STMN2: variants seen among roughly 807,000 people sequenced by gnomAD.
STMN2 encodes the protein stathmin-2.
Under a neutral mutation model 24.1 loss-of-function variants are expected in STMN2, and 2 were observed. The ratio of observed to expected loss-of-function variants is 0.08; its 90% CI spans 0.03 to 0.26. STMN2 has a LOEUF of 0.26. STMN2 is among the 10% of genes least tolerant of loss of function. STMN2 has a pLI of 1.00. For missense variants in STMN2, 114 were observed against 213.6 expected, an observed-to-expected ratio of 0.53 and a Z score of 2.91; for synonymous variants, 83 against 77.5, an observed-to-expected ratio of 1.07 and a Z score of -0.37.
At position 79,618,817 on chromosome 8, in the gene STMN2, A is replaced by T. The variant is rs922584419; in HGVS notation, c.19+7603A>T. On this transcript the variant is annotated intron_variant, in intron 1 of 4. Coordinates refer to ENST00000220876, the MANE Select transcript of STMN2 (RefSeq NM_007029.4). ...CATTTCAGCCATCATTTTGCTGGTC[A>T]TGTGGAAATATAGCTTCTTTAGGAA... Among the ~76,000 whole-genome samples, 3 of 152,220 alleles carry T rather than the reference A, an allele frequency of 2.0e-5. No homozygotes were observed. In the East Asian group the frequency reaches 5.8e-4, roughly 29 times the overall value.
At chr8:79,639,923 C>T (rs1477847935) in intron 2 of STMN2, among the ~76,000 whole-genome samples, 7 of 152,176 alleles carry the variant, frequency 4.6e-5, no homozygotes, top group African/African-American at 1.4e-4. Context: ...CTTCTGCGGC[C>T]GGGCGTGGTG....
intron 4 of STMN2, among the ~76,000 whole-genome samples, chr8:79,656,122 A>C (rs1002919674): frequency 6.6e-6 from 1 of 152,212 alleles, no homozygotes; most frequent in Non-Finnish European, 1.5e-5. Flanking sequence ...TCTGACTGCA[A>C]ATATCCAACT....
At position 79,641,628 on chromosome 8, in the gene STMN2, G is replaced by GCACACACA. The variant is rs61386841; in HGVS notation, c.288+115_288+122dup. The GCACACACA allele has an allele frequency of 2.8e-3, 1,206 of 431,468 alleles. 8 individuals are homozygous for GCACACACA. The highest frequency in any genetic ancestry group is 6.2e-3 in the South Asian group (211 of 33,822). The allele number at this position is 431,468 out of a possible 1,614,324, so 26.7% of individuals were successfully genotyped here. On this transcript the variant is annotated intron_variant, in intron 3 of 4. Coordinates refer to ENST00000220876, the MANE Select transcript of STMN2 (RefSeq NM_007029.4). ...CTCACACACTCGGGCACACATGCAC[G>GCACACACA]CACACACACACACACACACACACAC...
chr8:79,627,045 C>T (rs1809674236), intron 1 of STMN2, among the ~76,000 whole-genome samples: 1 of 152,156 alleles, frequency 6.6e-6, no homozygotes, highest in Non-Finnish European at 1.5e-5. Flanking sequence ...CTACTGGAGA[C>T]ATTTAGGAAT....
At chr8:79,634,656 T>C (rs1163784306) in intron 1 of STMN2, among the ~76,000 whole-genome samples, 2 of 152,248 alleles carry the variant, frequency 1.3e-5, no homozygotes, top group African/African-American at 4.8e-5. Context: ...ACTGGCTACA[T>C]GTGACTTTGG....
chr8:79,656,975 G>C (rs1806388048), intron 4 of STMN2, among the ~76,000 whole-genome samples: 1 of 151,746 alleles, frequency 6.6e-6, no homozygotes, highest in Non-Finnish European at 1.5e-5. Flanking sequence ...CTGGGTTCAA[G>C]TGATTCTCAT....
intron 1 of STMN2, among the ~76,000 whole-genome samples, chr8:79,615,289 G>A (rs966070455): frequency 6.6e-6 from 1 of 152,136 alleles, no homozygotes; most frequent in African/African-American, 2.4e-5. Flanking sequence ...AGGCTACCTT[G>A]GTAGCTCATT....
In STMN2 at chr8:79,636,851, T is replaced by C; in HGVS notation, c.69T>C (p.Ser23=). 6.2e-7 allele frequency: 1 copy of C among 1,613,900 alleles called. No individual in the cohort carries two copies. ...KELSMLSLIC[S]CFYPEPRNIN... ...TGTCCATGCTGTCACTGATCTGCTC[T>C]TGCTTTTACCCGGAACCTCGCAACA... is the stretch of plus-strand genomic sequence containing the variant. Residue 23 remains serine (S), a synonymous_variant, in exon 2 of 5, where the codon TCT becomes TCC. Coordinates refer to ENST00000220876, the MANE Select transcript of STMN2 (RefSeq NM_007029.4).
At chr8:79,614,852 T>G (rs1188295224) in intron 1 of STMN2, among the ~76,000 whole-genome samples, 1 of 152,188 alleles carries the variant, frequency 6.6e-6, no homozygotes, top group Non-Finnish European at 1.5e-5. Context: ...TTTAATTACT[T>G]TGGGTTTTTA....
At chr8:79,655,893 C>G (rs555599021) in intron 4 of STMN2, among the ~76,000 whole-genome samples, 29 of 152,264 alleles carry the variant, frequency 1.9e-4, no homozygotes, top group African/African-American at 7.0e-4. Flanking sequence ...CAGTCAGTCA[C>G]CCTTCCCGCC....
intron 1 of STMN2, chr8:79,613,366 C>G: frequency 1.0e-6 from 1 of 984,900 alleles, no homozygotes; most frequent in Non-Finnish European, 1.2e-6. Flanking sequence ...CCCCGCGCCG[C>G]GCCCTGCGCT....
At chr8:79,647,624 A>C (rs1810245857) in intron 3 of STMN2, among the ~76,000 whole-genome samples, 1 of 152,220 alleles carries the variant, frequency 6.6e-6, no homozygotes, top group Admixed American at 6.5e-5. Context: ...TCTGGTTACT[A>C]GGTTGGAGGA....
intron 2 of STMN2, among the ~76,000 whole-genome samples, 171 bp downstream of exon 2, chr8:79,637,068 T>A (rs989772557): frequency 6.6e-6 from 1 of 152,150 alleles, no homozygotes; most frequent in Non-Finnish European, 1.5e-5. Context: ...CTGAAAACAG[T>A]TTGAATTTGG....
intron 1 of STMN2, among the ~76,000 whole-genome samples, chr8:79,632,181 T>TACC (rs1809817144): frequency 6.6e-6 from 1 of 152,050 alleles, no homozygotes; most frequent in South Asian, 2.1e-4. Flanking sequence ...ATGACAGGGG[T>TACC]TTTTTTCTTA....
At chr8:79,661,464 T>C (rs1806499772) in intron 4 of STMN2, among the ~76,000 whole-genome samples, 1 of 152,162 alleles carries the variant, frequency 6.6e-6, no homozygotes, top group South Asian at 2.1e-4. Flanking sequence ...TTTGTTTTCT[T>C]GTGATTCTGA....
rs1363842054 is a variant in STMN2 at position 79,664,178 on chromosome 8, A to C, written c.481-637A>C. On this transcript the variant is annotated intron_variant, in intron 4 of 4. Transcript: ENST00000220876. ...TCTTTGCAGTCTCATAAAAATCTTT[A>C]TGGAGAAAAGGACAATGGTCATAGG... Among the ~76,000 whole-genome samples the C allele has an allele frequency of 2.0e-5, 3 of 152,256 alleles. No individual in the cohort carries two copies. In the East Asian group the frequency reaches 5.8e-4, roughly 29 times the overall value.
At chr8:79,637,593 AGTT>A (rs1238754024) in intron 2 of STMN2, among the ~76,000 whole-genome samples, 3 of 152,166 alleles carry the variant, frequency 2.0e-5, no homozygotes, top group Admixed American at 6.5e-5. Context: ...TTCCTCTTGG[AGTT>A]GTTGTGAGGT....
chr8:79,621,051 G>C, intron 1 of STMN2: 1 of 984,528 alleles, frequency 1.0e-6, no homozygotes, highest in Non-Finnish European at 1.2e-6. Context: ...CAAGAGGTCA[G>C]AGTCTAAGTC....
At chr8:79,649,401 T>C (rs1192912969) in intron 3 of STMN2, among the ~76,000 whole-genome samples, 2 of 152,140 alleles carry the variant, frequency 1.3e-5, no homozygotes, top group Non-Finnish European at 2.9e-5. Flanking sequence ...TCTTAGGATT[T>C]TAATCATTTT....
Sources: gnomAD v4.1 joint callset for allele counts (sites outside exome capture counted in the v4.1 genomes callset) on GRCh38, gnomAD v4.1.1 for gene constraint, MANE v1.5 for transcripts, NCBI Gene and HGNC (gene_info 2026-07-23, HGNC 2026-07-21) for gene names.